The following ITGA9 variants were observed in gnomAD, a reference collection of about 807,000 sequenced individuals.
ITGA9 encodes the protein integrin alpha-9.
In ITGA9, 56 loss-of-function variants were observed where a neutral mutation model predicts 127.8. The ratio of observed to expected loss-of-function variants is 0.44; its 90% CI spans 0.35 to 0.55. The LOEUF is 0.55. ITGA9 is among the 20% of genes least tolerant of loss of function. ITGA9 has a pLI of 0.00. For missense variants in ITGA9, 1,196 were observed against 1,347.1 expected, an observed-to-expected ratio of 0.89 and a Z score of 1.76; for synonymous variants, 508 against 514.5, an observed-to-expected ratio of 0.99 and a Z score of 0.17.
At chr3:37,735,106 A>G (rs1035678907) in intron 19 of ITGA9, among the ~76,000 whole-genome samples, 1 of 152,218 alleles carries the variant, frequency 6.6e-6, no homozygotes, top group African/African-American at 2.4e-5. Context: ...TTGGATGGCC[A>G]TGTATTTCTC....
chr3:37,683,648 C>G (rs963720642), intron 17 of ITGA9, among the ~76,000 whole-genome samples: 8 of 152,296 alleles, frequency 5.3e-5, no homozygotes, highest in Admixed American at 2.6e-4. Flanking sequence ...TCTAAACAGT[C>G]TAGTGAGTTA....
chr3:37,539,749 T>C (rs566422002), intron 14 of ITGA9, among the ~76,000 whole-genome samples: 2 of 152,142 alleles, frequency 1.3e-5, no homozygotes, highest in Non-Finnish European at 2.9e-5. Context: ...AGTTGACACA[T>C]AAAATTAGCC....
In ITGA9 at chr3:37,481,301, T is replaced by G. The variant is rs17813754; in HGVS notation, c.421-183T>G. On this transcript the variant is annotated intron_variant, in intron 3 of 27. Coordinates refer to ENST00000264741, the MANE Select transcript of ITGA9 (RefSeq NM_002207.3). ...TTCCTGTCTCCTAGTAGGCTCCCAG[T>G]GGCTTGTTCCTGTTCATGCAGTTTT... Among the ~76,000 whole-genome samples the G allele has an allele frequency of 0.13, 19,740 of 152,222 alleles. 1,305 individuals carry two copies. Among genetic ancestry groups the G allele is most frequent in the Middle Eastern group, 0.18 (52 of 294 alleles).
At chr3:37,624,365 C>T (rs966771381) in intron 15 of ITGA9, among the ~76,000 whole-genome samples, 5 of 151,856 alleles carry the variant, frequency 3.3e-5, no homozygotes, top group Admixed American at 6.6e-5. Context: ...AATTGAAATG[C>T]GTGTCTTCCT....
At chr3:37,481,762 C>T (rs1371066780) in intron 4 of ITGA9, among the ~76,000 whole-genome samples, 155 bp downstream of exon 4, 1 of 152,188 alleles carries the variant, frequency 6.6e-6, no homozygotes, top group Non-Finnish European at 1.5e-5. Flanking sequence ...TCTTGGTCCC[C>T]AAGGCCCTGC....
intron 18 of ITGA9, among the ~76,000 whole-genome samples, chr3:37,731,032 T>C (rs1173261494): frequency 2.0e-5 from 3 of 152,136 alleles, no homozygotes; most frequent in African/African-American, 7.2e-5. Context: ...GCCAGCCAAA[T>C]GGACTGAAGG....
intron 15 of ITGA9, among the ~76,000 whole-genome samples, chr3:37,563,825 G>A (rs1047934193): frequency 6.6e-6 from 1 of 152,166 alleles, no homozygotes; most frequent in Non-Finnish European, 1.5e-5. Flanking sequence ...TCAGTCCCTG[G>A]TGTTTTTGTC....
chr3:37,568,073 G>C (rs1699565154), intron 15 of ITGA9, among the ~76,000 whole-genome samples: 1 of 152,222 alleles, frequency 6.6e-6, no homozygotes, highest in Non-Finnish European at 1.5e-5. Context: ...GCCCCCGTGA[G>C]GGCCCCACTC....
At position 37,500,356 on chromosome 3, in the gene ITGA9, AG is replaced by A. The variant is rs528408009; in HGVS notation, c.613-2816del. 2.0e-4 allele frequency among the ~76,000 whole-genome samples: 31 copies of A among 152,324 alleles called. No homozygotes were observed. The South Asian group carries it at 6.0e-3, about 30-fold the overall frequency. ...GGCTTATCATCAACAGCTTCCTTCA[AG>A]GGGGGTAGGATCTCAAAACTTTAAA... On this transcript the variant is annotated intron_variant, in intron 5 of 27. Coordinates refer to ENST00000264741, the MANE Select transcript of ITGA9 (RefSeq NM_002207.3).
chr3:37,761,266 G>C (rs1358159004), intron 23 of ITGA9, among the ~76,000 whole-genome samples: 1 of 152,156 alleles, frequency 6.6e-6, no homozygotes, highest in African/African-American at 2.4e-5. Flanking sequence ...TTCAAATACT[G>C]CTGGTATGAA....
At chr3:37,530,030 C>T (rs1699132722) in intron 13 of ITGA9, among the ~76,000 whole-genome samples, 1 of 152,214 alleles carries the variant, frequency 6.6e-6, no homozygotes, top group African/African-American at 2.4e-5. Context: ...AGGGTGACCA[C>T]CCTGGTCTAT....
chr3:37,729,313 C>G (rs914954678), intron 18 of ITGA9, among the ~76,000 whole-genome samples: 6 of 152,068 alleles, frequency 3.9e-5, no homozygotes, highest in African/African-American at 1.2e-4. Context: ...CCATGACATC[C>G]CTTCCTGTAA....
intron 17 of ITGA9, among the ~76,000 whole-genome samples, chr3:37,682,344 A>G (rs1307518932): frequency 2.6e-5 from 4 of 152,174 alleles, no homozygotes; most frequent in African/African-American, 9.7e-5. Context: ...GGCCAGTTCT[A>G]ATTATTCCCA....
In ITGA9 at chr3:37,585,471, C is replaced by G. The variant is rs555862072; in HGVS notation, c.1689+42886C>G. On this transcript the variant is annotated intron_variant, in intron 15 of 27. Transcript: ENST00000264741. Reference sequence around the variant, plus strand: ...ACCTGGCACAGTAAATTCATTAGAGCGAATTCAAATAAATAAGGTTTTACT... The same window carrying G: ...ACCTGGCACAGTAAATTCATTAGAGGGAATTCAAATAAATAAGGTTTTACT... The G allele has an allele frequency of 1.4e-5, 6 of 424,944 alleles. No homozygotes were observed. The Admixed American group carries it at 1.4e-4, about 10-fold the overall frequency. 26.3% of individuals were successfully genotyped at this position (424,944 alleles called of 1,614,324 possible).
intron 15 of ITGA9, among the ~76,000 whole-genome samples, chr3:37,544,626 C>G (rs1471983386): frequency 6.6e-6 from 1 of 152,138 alleles, no homozygotes; most frequent in African/African-American, 2.4e-5. Context: ...AGGCTGAGCT[C>G]AGGGCTCTCG....
chr3:37,624,353 C>T (rs1422720307), intron 15 of ITGA9, among the ~76,000 whole-genome samples: 3 of 151,798 alleles, frequency 2.0e-5, no homozygotes, highest in East Asian at 3.9e-4. Flanking sequence ...ATATTTCTCC[C>T]GAATTGAAAT....
intron 20 of ITGA9, among the ~76,000 whole-genome samples, chr3:37,740,819 C>T (rs758078962): frequency 6.6e-6 from 1 of 152,186 alleles, no homozygotes; most frequent in African/African-American, 2.4e-5. Flanking sequence ...TGTGCTTTCT[C>T]ACCCGGAGGC....
intron 18 of ITGA9, among the ~76,000 whole-genome samples, chr3:37,725,492 C>G (rs1696178509): frequency 1.3e-5 from 2 of 152,108 alleles, no homozygotes; most frequent in African/African-American, 4.8e-5. Context: ...GGAGTTGGGT[C>G]AGGAGAAGGA....
chr3:37,519,372 G>A lies in ITGA9; in HGVS notation c.1236+18G>A. On this transcript the variant is annotated intron_variant, in intron 11 of 27. Transcript: ENST00000264741. ...ACTCAATGGTAATTAGTGTGAGAGT[G>A]ATATGGCAACTGTTCATACATTCAT... is the stretch of plus-strand genomic sequence containing the variant. 6.4e-7 allele frequency: 1 copy of A among 1,573,070 alleles called. No individual in the cohort carries two copies.
Sources: gnomAD v4.1 joint callset for allele counts (sites outside exome capture counted in the v4.1 genomes callset) on GRCh38, gnomAD v4.1.1 for gene constraint, MANE v1.5 for transcripts, NCBI Gene and HGNC (gene_info 2026-07-23, HGNC 2026-07-21) for gene names.